PDE1C: variants seen among roughly 807,000 people sequenced by gnomAD.
PDE1C encodes the protein phosphodiesterase 1C.
A neutral mutation model predicts 93.1 loss-of-function variants in PDE1C; 62 were observed. That is an observed-to-expected ratio of 0.67 (90% CI 0.54 to 0.82). The LOEUF is 0.82. PDE1C is among the 40% of genes least tolerant of loss of function. The pLI, the probability that PDE1C is intolerant of heterozygous loss-of-function variation, is 0.00. For missense variants in PDE1C, 742 were observed against 884.6 expected (o/e 0.84, Z 2.04); for synonymous variants, 325 against 310.1 (o/e 1.05, Z -0.50).
In PDE1C at chr7:32,361,667, C is replaced by T. The variant is rs565975392; in HGVS notation, c.310+66155G>A. Among the ~76,000 whole-genome samples the T allele has an allele frequency of 7.9e-5, 12 of 152,238 alleles. 1 individual carries two copies. In the South Asian group the frequency reaches 2.1e-3, roughly 26 times the overall value. On this transcript the variant is annotated intron_variant, in intron 1 of 1. Coordinates refer to the PDE1C transcript ENST00000672256. Reference sequence around the variant, plus strand: ...TCCACCTCAGCTGCCCTTGGTGACACCTTCCTTAAGTCACCTGGGCAGCAG... The same window carrying T: ...TCCACCTCAGCTGCCCTTGGTGACATCTTCCTTAAGTCACCTGGGCAGCAG...
intron 1 of PDE1C, among the ~76,000 whole-genome samples, chr7:32,401,908 T>C (rs1301427839): frequency 6.6e-6 from 1 of 152,198 alleles, no homozygotes; most frequent in Non-Finnish European, 1.5e-5. Flanking sequence ...TTGTATCAAT[T>C]TGGTAGCATG....
chr7:31,921,990 G>A (rs967122042), intron 2 of PDE1C, among the ~76,000 whole-genome samples: 2 of 152,118 alleles, frequency 1.3e-5, no homozygotes, highest in African/African-American at 4.8e-5. Flanking sequence ...GTTAAGAGAG[G>A]TTAATTAGTA....
At chr7:31,780,769 G>C (rs1783345409) in intron 16 of PDE1C, among the ~76,000 whole-genome samples, 1 of 151,184 alleles carries the variant, frequency 6.6e-6, no homozygotes, top group Non-Finnish European at 1.5e-5. Context: ...GTGTGTATGT[G>C]CATGTGCGCA....
the PDE1C span, among the ~76,000 whole-genome samples, chr7:31,637,749 C>T: frequency 6.6e-6 from 1 of 152,144 alleles, no homozygotes; most frequent in Non-Finnish European, 1.5e-5. Context: ...GATTAGATCC[C>T]ATTTGTCAAT....
At chr7:32,384,378 A>C (rs1290768551) in intron 1 of PDE1C, among the ~76,000 whole-genome samples, 2 of 152,238 alleles carry the variant, frequency 1.3e-5, no homozygotes, top group East Asian at 1.9e-4. Flanking sequence ...ACATCATCAT[A>C]ATAATAAATG....
chr7:31,911,427 C>T (rs1801234934), intron 2 of PDE1C, among the ~76,000 whole-genome samples: 1 of 152,162 alleles, frequency 6.6e-6, no homozygotes, highest in Non-Finnish European at 1.5e-5. Context: ...GAAGTAACCT[C>T]TGAGCTTTTC....
At chr7:32,169,687 G>C (rs909008700) in intron 3 of PDE1C, 7 of 984,492 alleles carry the variant, frequency 7.1e-6, no homozygotes. Context: ...GCAAAGAAAT[G>C]AAGTAATTTG....
intron 17 of PDE1C, among the ~76,000 whole-genome samples, chr7:31,768,587 T>TCTTA (rs1211577416): frequency 6.6e-6 from 1 of 152,214 alleles, no homozygotes; most frequent in Non-Finnish European, 1.5e-5. Context: ...ACAAGATAGA[T>TCTTA]CTTAGCACTC....
chr7:32,167,254 C>T (rs974310155), intron 3 of PDE1C, among the ~76,000 whole-genome samples: 1 of 152,184 alleles, frequency 6.6e-6, no homozygotes, highest in African/African-American at 2.4e-5. Flanking sequence ...CAAGTGCACA[C>T]ATTTTGTCCT....
chr7:31,624,797 C>A, the PDE1C span, among the ~76,000 whole-genome samples: 2 of 152,096 alleles, frequency 1.3e-5, no homozygotes. Flanking sequence ...TAAAGAGCTT[C>A]TGCACAGCAA....
intron 2 of PDE1C, among the ~76,000 whole-genome samples, chr7:31,950,428 A>G (rs1482386794): frequency 6.6e-6 from 1 of 152,174 alleles, no homozygotes; most frequent in Non-Finnish European, 1.5e-5. Context: ...TGAAGCATAC[A>G]TACTCTCATG....
chr7:31,671,488 G>A, the PDE1C span, among the ~76,000 whole-genome samples: 1 of 152,116 alleles, frequency 6.6e-6, no homozygotes, highest in African/African-American at 2.4e-5. Flanking sequence ...GTATCTCACT[G>A]TGATCACTCA....
chr7:32,000,993 C>CGT (rs34671338), intron 2 of PDE1C, among the ~76,000 whole-genome samples: 42,723 of 149,040 alleles, frequency 0.29, 6,278 homozygotes, highest in Admixed American at 0.42. Context: ...TGTGTGTATA[C>CGT]GTGTGTGTGT....
At chr7:32,289,640 A>G (rs930872711) in intron 1 of PDE1C, among the ~76,000 whole-genome samples, 2 of 152,210 alleles carry the variant, frequency 1.3e-5, no homozygotes, top group African/African-American at 4.8e-5. Flanking sequence ...AAGCCAGGAA[A>G]GAGCCCTGTA....
rs766601649 is a variant in PDE1C at position 31,950,837 on chromosome 7, A to G, written c.129-69977T>C. Among the ~76,000 whole-genome samples, 15 of 152,298 alleles carry G rather than the reference A, an allele frequency of 9.8e-5. No individual in the cohort carries two copies. The East Asian group carries it at 2.3e-3, about 24-fold the overall frequency. ...TCTATTAGAGAAGGTTAAATTTTCA[A>G]TGTCTTCATTCACTAGGTACAGCAT... On this transcript the variant is annotated intron_variant, in intron 2 of 17. Transcript: ENST00000396191.
intron 3 of PDE1C, among the ~76,000 whole-genome samples, chr7:32,107,830 T>C: frequency 6.6e-6 from 1 of 152,060 alleles, no homozygotes; most frequent in East Asian, 1.9e-4. Context: ...TCATAGCTTA[T>C]GAAAAAGTGA....
At chr7:31,803,399 T>TTATTATTATTA (rs372230970) in intron 16 of PDE1C, among the ~76,000 whole-genome samples, 128 of 150,190 alleles carry the variant, frequency 8.5e-4, no homozygotes, top group African/African-American at 3.0e-3. Context: ...GCTTTTTCTT[T>TTATTATTATTA]TTATTATTAT....
chr7:32,092,499 C>A (rs1367012667), intron 3 of PDE1C, among the ~76,000 whole-genome samples: 1 of 152,170 alleles, frequency 6.6e-6, no homozygotes, highest in African/African-American at 2.4e-5. Flanking sequence ...TGTCCCCCGA[C>A]CTCTACATAA....
At chr7:32,082,553 G>C (rs931993163) in intron 3 of PDE1C, among the ~76,000 whole-genome samples, 2 of 152,224 alleles carry the variant, frequency 1.3e-5, no homozygotes, top group Admixed American at 1.3e-4. Flanking sequence ...GCCTCCTCAA[G>C]TGGGTCCCTG....
Sources: allele counts gnomAD v4.1 joint callset (sites outside exome capture counted in the v4.1 genomes callset), GRCh38; gene constraint gnomAD v4.1.1; transcripts MANE v1.5; gene names NCBI Gene and HGNC (gene_info 2026-07-23, HGNC 2026-07-21).